Variants in SCML4 observed in about 807,000 individuals in gnomAD.
SCML4 encodes the protein Scm polycomb group protein like 4, also known as sex comb on midleg-like protein 4.
A neutral mutation model predicts 41.1 loss-of-function variants in SCML4; 34 were observed. That is an observed-to-expected ratio of 0.83 (90% CI 0.63 to 1.10). The LOEUF is 1.10. Ranked by LOEUF, SCML4 falls within the 50% of genes least tolerant of loss-of-function variation. The probability of loss-of-function intolerance (pLI) is 0.00; values close to 1 mark genes in which losing one functional copy is unlikely to be tolerated. For synonymous variants in SCML4, 214 were observed against 220.9 expected (o/e 0.97, Z 0.28); for missense variants, 522 against 534.1 (o/e 0.98, Z 0.22).
chr6:107,771,807 A>T (rs888236260), intron 2 of SCML4, among the ~76,000 whole-genome samples: 4 of 152,194 alleles, frequency 2.6e-5, no homozygotes, highest in Non-Finnish European at 4.4e-5. Context: ...TGAGTTCTGG[A>T]AAGTGGCTTC....
At chr6:107,775,542 T>C (rs1487507229) in intron 1 of SCML4, among the ~76,000 whole-genome samples, 1 of 152,250 alleles carries the variant, frequency 6.6e-6, no homozygotes. Flanking sequence ...TTCACAGTTC[T>C]TCATATAGAT....
At chr6:107,753,167 C>G (rs1352796447) in intron 2 of SCML4, among the ~76,000 whole-genome samples, 1 of 151,968 alleles carries the variant, frequency 6.6e-6, no homozygotes, top group East Asian at 1.9e-4. Context: ...AATGAAAACC[C>G]CCCAGAAAAT....
In SCML4 at chr6:107,720,989, C is replaced by T; in HGVS notation, c.687G>A (p.Lys229=). 1 of 1,606,096 alleles carries T rather than the reference C, an allele frequency of 6.2e-7. No homozygotes were observed. Among genetic ancestry groups the T allele is most frequent in the Non-Finnish European group, 8.5e-7 (1 of 1,176,332 alleles). Residue 229 remains lysine, a synonymous_variant, in exon 6 of 8, where the codon AAG becomes AAA. Coordinates refer to ENST00000369020, the MANE Select transcript of SCML4 (RefSeq NM_198081.5). ...CCAGGTACTCTTCGGTGGTGACTGT[C>T]TTGACTAAGCAATAAGGCAGTACAG... ...EKEEGRMESV[K]TVTTEEYLVN...
At chr6:107,768,024 G>T (rs1780205160) in intron 2 of SCML4, among the ~76,000 whole-genome samples, 1 of 151,504 alleles carries the variant, frequency 6.6e-6, no homozygotes, top group African/African-American at 2.4e-5. Context: ...GCTTTGGGAG[G>T]CTGAGGCGAG....
In SCML4 at chr6:107,702,990, T is replaced by C. The variant is rs1443506021; in HGVS notation, c.*2210A>G. Among the ~76,000 whole-genome samples the C allele has an allele frequency of 2.0e-5, 3 of 152,166 alleles. No individual in the cohort carries two copies. Among genetic ancestry groups the C allele is most frequent in the South Asian group, 2.1e-4 (1 of 4,832 alleles). On this transcript the variant is annotated 3_prime_UTR_variant, in exon 8 of 8. Transcript: ENST00000369020. Reference sequence around the variant, plus strand: ...TGGCTAAAACCCACCAAAACCAAGATGGCAACGAGAGTGACCTCTGGTTGT... The same window carrying C: ...TGGCTAAAACCCACCAAAACCAAGACGGCAACGAGAGTGACCTCTGGTTGT...
chr6:107,799,775 G>A (rs1322638591), intron 1 of SCML4, among the ~76,000 whole-genome samples: 1 of 151,822 alleles, frequency 6.6e-6, no homozygotes, highest in Non-Finnish European at 1.5e-5. Context: ...CCCATCCAGT[G>A]ATTTTTATGT....
At chr6:107,764,332 T>C (rs1562232930) in intron 2 of SCML4, among the ~76,000 whole-genome samples, 1 of 152,246 alleles carries the variant, frequency 6.6e-6, no homozygotes, top group Admixed American at 6.5e-5. Flanking sequence ...AAATAATCAT[T>C]GCACTAACAC....
chr6:107,834,942 A>C, the SCML4 span, among the ~76,000 whole-genome samples: 2 of 137,960 alleles, frequency 1.4e-5, no homozygotes, highest in East Asian at 2.7e-4. Context: ...TGTCTGAAAA[A>C]AAAAAAAGGA....
At chr6:107,811,100 G>A (rs911484683) in intron 1 of SCML4, among the ~76,000 whole-genome samples, 1 of 152,176 alleles carries the variant, frequency 6.6e-6, no homozygotes, top group Non-Finnish European at 1.5e-5. Context: ...AGGCAGCCAC[G>A]TGCAAGGCAA....
In SCML4 at chr6:107,752,978, A is replaced by G. The variant is rs139193712; in HGVS notation, c.157-3165T>C. ...GAAAAATGGAAAGAGAGGCATTAGG[A>G]TCAGTAAGTAAAGTCAACTCCTCTT... is the stretch of plus-strand genomic sequence containing the variant. On this transcript the variant is annotated intron_variant, in intron 2 of 7. Transcript: ENST00000369020. Among the ~76,000 whole-genome samples, 790 of 152,258 alleles carry G rather than the reference A, an allele frequency of 5.2e-3. 12 individuals are homozygous for G. The East Asian group carries it at 0.064, about 12-fold the overall frequency.
At chr6:107,813,499 A>G (rs1407542558) in intron 1 of SCML4, among the ~76,000 whole-genome samples, 1 of 149,482 alleles carries the variant, frequency 6.7e-6, no homozygotes, top group Non-Finnish European at 1.5e-5. Context: ...GACTGGATAC[A>G]TTTTGAAGCT....
At chr6:107,793,368 C>T (rs1404642459) in intron 1 of SCML4, among the ~76,000 whole-genome samples, 1 of 152,198 alleles carries the variant, frequency 6.6e-6, no homozygotes, top group Non-Finnish European at 1.5e-5. Flanking sequence ...ATTTATTCTA[C>T]AGACAGGAAG....
intron 2 of SCML4, among the ~76,000 whole-genome samples, chr6:107,753,491 T>C (rs1459473293): frequency 6.6e-6 from 1 of 152,112 alleles, no homozygotes; most frequent in African/African-American, 2.4e-5. Context: ...GAGTTATTGC[T>C]TAGTGGGTAG....
intron 1 of SCML4, among the ~76,000 whole-genome samples, chr6:107,814,549 TTTTG>T (rs767787182): frequency 1.1e-4 from 16 of 152,274 alleles, no homozygotes; most frequent in East Asian, 7.7e-4. Context: ...AAACATGTTT[TTTTG>T]TTTGTTTGTT....
At chr6:107,781,110 T>A (rs916710574) in intron 1 of SCML4, among the ~76,000 whole-genome samples, 2 of 152,150 alleles carry the variant, frequency 1.3e-5, no homozygotes, top group African/African-American at 4.8e-5. Flanking sequence ...TTTGTTCTGT[T>A]GAGTACTGAT....
chr6:107,714,139 G>A (rs991711686), intron 6 of SCML4, among the ~76,000 whole-genome samples: 4 of 152,176 alleles, frequency 2.6e-5, no homozygotes, highest in African/African-American at 9.6e-5. Context: ...TCAATCCTTA[G>A]AGTTTAATCA....
At chr6:107,759,992 A>G (rs1432825286) in intron 2 of SCML4, among the ~76,000 whole-genome samples, 2 of 152,128 alleles carry the variant, frequency 1.3e-5, no homozygotes, top group African/African-American at 4.8e-5. Context: ...CAGCTCCTCT[A>G]AGCTTCATCT....
chr6:107,844,723 A>AT, the SCML4 span, among the ~76,000 whole-genome samples: 1 of 152,120 alleles, frequency 6.6e-6, no homozygotes, highest in East Asian at 1.9e-4. Flanking sequence ...CTCATATCAA[A>AT]TTCTGTACCT....
chr6:107,772,051 T>C, intron 2 of SCML4, 121 bp downstream of exon 2: 1 of 799,138 alleles, frequency 1.3e-6, no homozygotes, highest in South Asian at 2.4e-5. Context: ...GAGGGAGGCT[T>C]ATTTCTCATC....
Sources: gnomAD v4.1 joint callset for allele counts (sites outside exome capture counted in the v4.1 genomes callset) on GRCh38, gnomAD v4.1.1 for gene constraint, MANE v1.5 for transcripts, NCBI Gene and HGNC (gene_info 2026-07-23, HGNC 2026-07-21) for gene names.